The following HECW1 variants were observed in gnomAD, a reference collection of about 807,000 sequenced individuals.
The protein encoded by HECW1 is HECT, C2 and WW domain containing E3 ubiquitin protein ligase 1, also known as E3 ubiquitin-protein ligase HECW1.
A neutral mutation model predicts 182.3 loss-of-function variants in HECW1; 61 were observed. The ratio of observed to expected loss-of-function variants is 0.33; its 90% confidence interval spans 0.27 to 0.41. The LOEUF (loss-of-function observed/expected upper bound fraction) is 0.41. HECW1 is among the 10% of genes least tolerant of loss of function. HECW1 has a pLI of 1.00. For missense variants in HECW1, 1,739 were observed against 2,108.9 expected (o/e 0.82, Z 3.44); for synonymous variants, 859 against 832.6 (o/e 1.03, Z -0.55).
At chr7:43,287,851 T>C (rs1353732139) in intron 3 of HECW1, among the ~76,000 whole-genome samples, 1 of 152,224 alleles carries the variant, frequency 6.6e-6, no homozygotes, top group East Asian at 1.9e-4. Flanking sequence ...TTGGCTGGAT[T>C]GTACCTGAGG....
rs117797320 is a variant in HECW1 at position 43,270,385 on chromosome 7, A to G, written c.27+26453A>G. On this transcript the variant is annotated intron_variant, in intron 3 of 29. Transcript: ENST00000395891. ...GCAAACTAGGGAAACTGTCAGATGG[A>G]GGTATCAGCTAGCAACTCGGGCTCT... 1.3e-4 allele frequency among the ~76,000 whole-genome samples: 20 copies of G among 152,266 alleles called. No individual in the cohort carries two copies. The East Asian group carries it at 3.9e-3, about 29-fold the overall frequency.
intron 10 of HECW1, among the ~76,000 whole-genome samples, chr7:43,443,955 G>A (rs2076965097): frequency 6.6e-6 from 1 of 152,126 alleles, no homozygotes; most frequent in Non-Finnish European, 1.5e-5. Flanking sequence ...CTAGGCTTTG[G>A]GCATTTTAAC....
At chr7:43,299,646 T>C (rs1410855628) in intron 3 of HECW1, among the ~76,000 whole-genome samples, 4 of 152,178 alleles carry the variant, frequency 2.6e-5, no homozygotes, top group Admixed American at 1.3e-4. Flanking sequence ...TTCTGTTAAA[T>C]ATGTTAAAGA....
At chr7:43,321,940 G>A (rs562237610) in intron 5 of HECW1, among the ~76,000 whole-genome samples, 1 of 152,304 alleles carries the variant, frequency 6.6e-6, no homozygotes, top group Admixed American at 6.5e-5. Context: ...TCTTGTGTTG[G>A]CTCATGCAGA....
At chr7:43,215,546 G>A (rs144653938) in intron 2 of HECW1, among the ~76,000 whole-genome samples, 2 of 152,264 alleles carry the variant, frequency 1.3e-5, no homozygotes, top group East Asian at 3.9e-4. Flanking sequence ...AAATGGTTAA[G>A]GTATTTTTAA....
intron 26 of HECW1, among the ~76,000 whole-genome samples, chr7:43,543,852 G>A (rs1374725079): frequency 1.3e-5 from 2 of 151,540 alleles, no homozygotes; most frequent in African/African-American, 4.9e-5. Flanking sequence ...TCACTGAACA[G>A]GCAAAATACA....
chr7:43,445,497 C>A lies in HECW1; in HGVS notation c.2325C>A (p.Ala775=). 6.2e-7 allele frequency: 1 copy of A among 1,611,630 alleles called. No homozygotes were observed. The highest frequency in any genetic ancestry group is 1.1e-5 in the South Asian group (1 of 91,036). ...GGCCGTGGCAAGACGAGCTGGCCGCCCCTAGCGGGCACGTGGAAAGAAGCC... is the reference window on the plus strand; with the variant it reads ...GGCCGTGGCAAGACGAGCTGGCCGCACCTAGCGGGCACGTGGAAAGAAGCC... The part of the protein sequence containing the change: ...GAGPWQDELA[A]PSGHVERSPE... Residue 775 remains alanine (A), a synonymous_variant, in exon 11 of 30, where the codon GCC becomes GCA. Transcript: ENST00000395891.
chr7:43,561,709 G>A, intron 29 of HECW1, 106 bp from the exon 30 acceptor site: 1 of 722,000 alleles, frequency 1.4e-6, no homozygotes. Flanking sequence ...TCATGGTCCT[G>A]CTCACTTTTG....
intron 29 of HECW1, among the ~76,000 whole-genome samples, chr7:43,557,208 A>C (rs570836643): frequency 1.3e-5 from 2 of 152,322 alleles, no homozygotes; most frequent in East Asian, 3.9e-4. Context: ...GGCAGGAAGC[A>C]AAGCAGACCC....
At chr7:43,307,917 T>TACAC (rs1192289864) in intron 3 of HECW1, among the ~76,000 whole-genome samples, 1 of 123,878 alleles carries the variant, frequency 8.1e-6, no homozygotes, top group Admixed American at 9.7e-5. Context: ...TATATATATA[T>TACAC]ACACACACAC....
intron 2 of HECW1, among the ~76,000 whole-genome samples, chr7:43,204,570 G>A (rs1417812551): frequency 2.0e-5 from 3 of 152,202 alleles, no homozygotes; most frequent in African/African-American, 7.2e-5. Context: ...TTTTGGCCCA[G>A]CTTGGAATTG....
intron 26 of HECW1, among the ~76,000 whole-genome samples, chr7:43,548,223 A>G (rs539190626): frequency 2.6e-5 from 4 of 151,686 alleles, no homozygotes; most frequent in Admixed American, 6.6e-5. Context: ...CATATATTTT[A>G]TGGACTCATT....
chr7:43,193,553 T>G (rs1008675202), intron 2 of HECW1, among the ~76,000 whole-genome samples: 6 of 152,132 alleles, frequency 3.9e-5, no homozygotes, highest in African/African-American at 1.4e-4. Flanking sequence ...AGCTAATTTT[T>G]ATATTTTTAG....
At chr7:43,270,274 G>A (rs910545733) in intron 3 of HECW1, among the ~76,000 whole-genome samples, 5 of 152,240 alleles carry the variant, frequency 3.3e-5, no homozygotes, top group African/African-American at 9.6e-5. Flanking sequence ...AAGGTTGTAA[G>A]TCAGATGTCA....
intron 7 of HECW1, among the ~76,000 whole-genome samples, chr7:43,403,813 G>C (rs1435966478): frequency 6.6e-6 from 1 of 151,842 alleles, no homozygotes; most frequent in East Asian, 1.9e-4. Flanking sequence ...GGTGGGGAGG[G>C]GGTACTTAAC....
intron 2 of HECW1, among the ~76,000 whole-genome samples, chr7:43,238,124 G>A (rs1316267701): frequency 1.3e-5 from 2 of 152,202 alleles, no homozygotes; most frequent in African/African-American, 4.8e-5. Context: ...ATTCAAGGAT[G>A]GAGTTCTATT....
chr7:43,411,044 TA>T (rs1467735170), intron 8 of HECW1, among the ~76,000 whole-genome samples: 159 of 110,290 alleles, frequency 1.4e-3, no homozygotes, highest in African/African-American at 5.3e-3. Flanking sequence ...TATTGCCTTC[TA>T]TTTTTTTTTT....
chr7:43,467,416 G>A (rs1302760001), intron 15 of HECW1, among the ~76,000 whole-genome samples: 3 of 151,990 alleles, frequency 2.0e-5, no homozygotes, highest in African/African-American at 7.2e-5. Flanking sequence ...AGGGTGGTGA[G>A]TGTGGGTGGC....
chr7:43,264,813 C>CA (rs1297205551), intron 3 of HECW1, among the ~76,000 whole-genome samples: 2 of 146,240 alleles, frequency 1.4e-5, no homozygotes, highest in Admixed American at 1.4e-4. Context: ...CACTGCACTC[C>CA]AGCCCGGGCG....
Sources: allele counts gnomAD v4.1 joint callset (sites outside exome capture counted in the v4.1 genomes callset), GRCh38; gene constraint gnomAD v4.1.1; transcripts MANE v1.5; gene names NCBI Gene and HGNC (gene_info 2026-07-23, HGNC 2026-07-21).